Variants in LAMA2 observed in about 807,000 individuals in gnomAD.
The protein encoded by LAMA2 is laminin subunit alpha 2.
In LAMA2, 269 loss-of-function variants were observed where a neutral mutation model predicts 364.8. The ratio of observed to expected loss-of-function variants is 0.74; its 90% confidence interval spans 0.67 to 0.82. The LOEUF (loss-of-function observed/expected upper bound fraction) is 0.82, where lower values mean the gene tolerates loss of function less well. LAMA2 is among the 40% of genes least tolerant of loss of function. The pLI, the probability that LAMA2 is intolerant of heterozygous loss-of-function variation, is 0.00. For missense variants in LAMA2, 3,807 were observed against 3,873.2 expected (o/e 0.98, Z 0.45); for synonymous variants, 1,379 against 1,370.6 (o/e 1.01, Z -0.14).
intron 22 of LAMA2, 72 bp from the exon 23 acceptor site, chr6:129,312,789 C>A: frequency 9.8e-7 from 1 of 1,023,796 alleles, no homozygotes; most frequent in Non-Finnish European, 1.5e-6. Flanking sequence ...AGCATAGAAA[C>A]ATTAGAATTA....
At chr6:129,415,150 C>A (rs1780719693) in intron 40 of LAMA2, among the ~76,000 whole-genome samples, 1 of 152,010 alleles carries the variant, frequency 6.6e-6, no homozygotes. Context: ...TTCCTTTTTT[C>A]CTCGTCCTCT....
intron 1 of LAMA2, among the ~76,000 whole-genome samples, chr6:128,894,928 C>A (rs1049555225): frequency 6.6e-6 from 1 of 152,162 alleles, no homozygotes; most frequent in African/African-American, 2.4e-5. Flanking sequence ...AACTTGTGTA[C>A]CTATGGATAA....
intron 1 of LAMA2, chr6:128,930,035 G>A: frequency 2.3e-6 from 1 of 435,222 alleles, no homozygotes; most frequent in Admixed American, 4.0e-5. Flanking sequence ...AGAGCACGGG[G>A]CGCCGTGGCG....
chr6:129,340,166 G>C (rs772719363), intron 29 of LAMA2, among the ~76,000 whole-genome samples: 2 of 152,138 alleles, frequency 1.3e-5, no homozygotes, highest in African/African-American at 4.8e-5. Context: ...TATGTTTAAT[G>C]GTGAAACCAG....
intron 18 of LAMA2, among the ~76,000 whole-genome samples, chr6:129,282,939 A>G (rs1788826976): frequency 6.6e-6 from 1 of 152,118 alleles, no homozygotes; most frequent in Non-Finnish European, 1.5e-5. Context: ...GTAGCACAAG[A>G]TGGCCTTGCT....
chr6:129,251,879 G>A (rs534328810), intron 13 of LAMA2, among the ~76,000 whole-genome samples: 19 of 152,180 alleles, frequency 1.2e-4, no homozygotes, highest in Middle Eastern at 3.4e-3. Flanking sequence ...AGGTGGCAGC[G>A]AGCCGAGATC....
At chr6:129,170,984 C>G (rs1239950160) in intron 9 of LAMA2, among the ~76,000 whole-genome samples, 1 of 151,496 alleles carries the variant, frequency 6.6e-6, no homozygotes, top group African/African-American at 2.4e-5. Flanking sequence ...TTATCAGAGA[C>G]TAGGATTGCA....
chr6:128,943,366 C>A (rs116537240), intron 1 of LAMA2, among the ~76,000 whole-genome samples: 1 of 151,842 alleles, frequency 6.6e-6, no homozygotes. Context: ...TCACTGGAGC[C>A]TCCACCTCCC....
chr6:128,903,869 G>A (rs924376098), intron 1 of LAMA2, among the ~76,000 whole-genome samples: 1 of 152,186 alleles, frequency 6.6e-6, no homozygotes, highest in African/African-American at 2.4e-5. Context: ...GACAGAGACA[G>A]TGGACTTTGG....
At chr6:128,930,430 A>T (rs4897282) in intron 1 of LAMA2, among the ~76,000 whole-genome samples, 7,900 of 152,254 alleles carry the variant, frequency 0.052, 699 homozygotes, top group East Asian at 0.4. Flanking sequence ...CAGAACTGAC[A>T]TGCTTTACTC....
At chr6:128,986,586 T>C (rs950505440) in intron 1 of LAMA2, among the ~76,000 whole-genome samples, 1 of 152,158 alleles carries the variant, frequency 6.6e-6, no homozygotes, top group Non-Finnish European at 1.5e-5. Context: ...TGCTCTATCA[T>C]AGCTCTCTAT....
At chr6:129,353,133 C>G in intron 31 of LAMA2, 31 bp from the exon 32 acceptor site, 1 of 1,572,336 alleles carries the variant, frequency 6.4e-7, no homozygotes, top group Non-Finnish European at 8.7e-7. Context: ...TTGCTATTAA[C>G]CTCTTTTGCT....
chr6:129,512,318 T>A, intron 62 of LAMA2, 45 bp from the exon 63 acceptor site: 1 of 1,589,184 alleles, frequency 6.3e-7, no homozygotes, highest in Non-Finnish European at 8.6e-7. Flanking sequence ...GAATTAACAA[T>A]CCCCATCCTC....
intron 41 of LAMA2, among the ~76,000 whole-genome samples, chr6:129,437,876 T>C (rs1362965943): frequency 6.6e-6 from 1 of 151,974 alleles, no homozygotes; most frequent in East Asian, 1.9e-4. Flanking sequence ...TTTATATTGT[T>C]GTACTCGAAT....
chr6:129,176,505 G>A (rs1015654405), intron 9 of LAMA2, among the ~76,000 whole-genome samples: 4 of 151,984 alleles, frequency 2.6e-5, no homozygotes, highest in African/African-American at 9.7e-5. Context: ...CTTAAGATGA[G>A]TAAGTTAGCA....
chr6:128,911,437 AG>A (rs1777940967), intron 1 of LAMA2, among the ~76,000 whole-genome samples: 1 of 152,166 alleles, frequency 6.6e-6, no homozygotes, highest in African/African-American at 2.4e-5. Context: ...TGACTAGGAA[AG>A]GGAACTCCCT....
At position 129,073,161 on chromosome 6, in the gene LAMA2, G is replaced by GT. The variant is rs372358924; in HGVS notation, c.396+13272dup. 2.7e-3 allele frequency among the ~76,000 whole-genome samples: 404 copies of GT among 151,418 alleles called. 3 individuals carry two copies. The highest frequency in any genetic ancestry group is 9.2e-3 in the African/African-American group (382 of 41,324). On this transcript the variant is annotated intron_variant, in intron 3 of 64. Coordinates refer to ENST00000421865, the MANE Select transcript of LAMA2 (RefSeq NM_000426.4). The stretch of plus-strand genomic sequence containing the variant: ...CCTGGTTGGAATTTTGTTTTGTTTT[G>GT]TTTTTTTCCAGCACTCTAAATATAT...
intron 12 of LAMA2, among the ~76,000 whole-genome samples, chr6:129,248,033 A>G (rs1785893946): frequency 6.6e-6 from 1 of 152,168 alleles, no homozygotes; most frequent in Non-Finnish European, 1.5e-5. Context: ...ATTGGGCGGC[A>G]CAACAGGAGG....
At chr6:129,337,883 A>G (rs1408666739) in intron 29 of LAMA2, among the ~76,000 whole-genome samples, 1 of 152,176 alleles carries the variant, frequency 6.6e-6, no homozygotes, top group Non-Finnish European at 1.5e-5. Flanking sequence ...AAGAAAAAAT[A>G]CTATGTACAC....
Sources: allele counts gnomAD v4.1 joint callset (sites outside exome capture counted in the v4.1 genomes callset), GRCh38; gene constraint gnomAD v4.1.1; transcripts MANE v1.5; gene names NCBI Gene and HGNC (gene_info 2026-07-23, HGNC 2026-07-21).